MYH15: variants seen among roughly 807,000 people sequenced by gnomAD.
The protein encoded by MYH15 is myosin-15.
Under a neutral mutation model 240.5 loss-of-function variants are expected in MYH15, and 227 were observed. The observed-to-expected ratio is 0.94, with a 90% CI of 0.85 to 1.05. MYH15 has a LOEUF of 1.05. MYH15 is among the 50% of genes least tolerant of loss of function. MYH15 has a pLI of 0.00. For missense variants in MYH15, 2,217 were observed against 2,247.5 expected, an observed-to-expected ratio of 0.99 and a Z score of 0.27; for synonymous variants, 785 against 796.7, an observed-to-expected ratio of 0.99 and a Z score of 0.25.
At chr3:108,494,500 C>G (rs1315592499) in intron 7 of MYH15, among the ~76,000 whole-genome samples, 1 of 151,088 alleles carries the variant, frequency 6.6e-6, no homozygotes, top group Non-Finnish European at 1.5e-5. Flanking sequence ...CTTTCAATTG[C>G]TTTCTTTTCT....
chr3:108,414,321 G>T lies in MYH15; in HGVS notation c.4056C>A (p.Thr1352=). The change falls in exon 30 of 41, where the codon ACC becomes ACA. Residue 1352 remains threonine (T), a synonymous_variant. Coordinates refer to ENST00000693548, the MANE Select transcript of MYH15 (RefSeq NM_014981.3). ...CCATTTCAGCATTGACTTTGGATAA[G>T]GTCCGGTGCAGCTCAGCCTTGACCT... is the stretch of plus-strand genomic sequence containing the variant. The part of the protein sequence containing the change: ...EQEVKAELHR[T]LSKVNAEMVQ... 1 of 1,614,098 alleles carries T rather than the reference G, an allele frequency of 6.2e-7. No homozygotes were observed. Among genetic ancestry groups the T allele is most frequent in the Non-Finnish European group, 8.5e-7 (1 of 1,179,998 alleles).
At chr3:108,426,624 G>A (rs1374656177) in intron 27 of MYH15, among the ~76,000 whole-genome samples, 3 of 152,230 alleles carry the variant, frequency 2.0e-5, no homozygotes, top group African/African-American at 7.2e-5. Flanking sequence ...GGATATTTTG[G>A]AGAGCCTTGG....
At chr3:108,445,284 G>A (rs1576238177) in intron 21 of MYH15, among the ~76,000 whole-genome samples, 2 of 152,096 alleles carry the variant, frequency 1.3e-5, no homozygotes, top group Admixed American at 6.6e-5. Context: ...TATTCACATG[G>A]ATAAAAAGGC....
intron 1 of MYH15, among the ~76,000 whole-genome samples, chr3:108,517,473 C>T (rs7653786): frequency 0.032 from 4,916 of 152,252 alleles, 250 homozygotes; most frequent in African/African-American, 0.11. Context: ...CCTGGGATTA[C>T]AGGTGCCCAA....
chr3:108,481,046 A>G (rs2083262536), intron 11 of MYH15, among the ~76,000 whole-genome samples: 1 of 152,256 alleles, frequency 6.6e-6, no homozygotes, highest in Non-Finnish European at 1.5e-5. Flanking sequence ...GCATACTGAA[A>G]AAAACTCAGT....
intron 11 of MYH15, among the ~76,000 whole-genome samples, chr3:108,478,680 TA>T (rs34144812): frequency 0.24 from 35,031 of 146,358 alleles, 4,576 homozygotes; most frequent in Non-Finnish European, 0.31. Context: ...TGTCCAGGTT[TA>T]AAAAAAAAAA....
At chr3:108,502,941 TC>T (rs1375796099) in intron 2 of MYH15, among the ~76,000 whole-genome samples, 1 of 152,132 alleles carries the variant, frequency 6.6e-6, no homozygotes, top group Non-Finnish European at 1.5e-5. Flanking sequence ...CCTCCCCTTT[TC>T]CCTAATTCTA....
the MYH15 span, among the ~76,000 whole-genome samples, chr3:108,542,778 A>G: frequency 1.3e-5 from 2 of 151,976 alleles, no homozygotes; most frequent in Admixed American, 6.6e-5. Flanking sequence ...GCTCCCACTT[A>G]TAACTGAGAA....
intron 1 of MYH15, among the ~76,000 whole-genome samples, chr3:108,523,585 T>A: frequency 6.6e-6 from 1 of 151,856 alleles, no homozygotes; most frequent in East Asian, 1.9e-4. Context: ...AAGCTTGGGG[T>A]TTTTTTGCTT....
rs1287184192 is a variant in MYH15, at chr3:108,399,317, T to C, written c.4737-50A>G. On this transcript the variant is annotated intron_variant, in intron 33 of 40. Coordinates refer to ENST00000693548, the MANE Select transcript of MYH15 (RefSeq NM_014981.3). ...GGGGGAAATGACACATCCAAATTAA[T>C]CAAATTCACCTGCTATGTTTAAAAC... 3.5e-5 allele frequency: 51 copies of C among 1,445,698 alleles called. No individual in the cohort carries two copies. The Admixed American group carries it at 9.2e-4, about 26-fold the overall frequency. The allele number at this position is 1,445,698 out of a possible 1,614,324, so 89.6% of individuals were successfully genotyped here.
chr3:108,446,433 C>A (rs1334287563), intron 21 of MYH15, among the ~76,000 whole-genome samples: 1 of 152,186 alleles, frequency 6.6e-6, no homozygotes, highest in African/African-American at 2.4e-5. Flanking sequence ...GAATCTCTGA[C>A]CAAGCTTACT....
At chr3:108,398,126 A>G (rs1233281042) in intron 35 of MYH15, among the ~76,000 whole-genome samples, 1 of 152,220 alleles carries the variant, frequency 6.6e-6, no homozygotes, top group East Asian at 1.9e-4. Flanking sequence ...AAATGAGGCC[A>G]TTAGGGTGGA....
At chr3:108,484,619 T>C (rs1192734821) in intron 11 of MYH15, among the ~76,000 whole-genome samples, 2 of 152,068 alleles carry the variant, frequency 1.3e-5, no homozygotes, top group East Asian at 1.9e-4. Context: ...GCTGGGATTA[T>C]AGGCGTGCGC....
intron 1 of MYH15, among the ~76,000 whole-genome samples, chr3:108,519,105 C>T (rs1331961284): frequency 6.6e-6 from 1 of 152,160 alleles, no homozygotes; most frequent in African/African-American, 2.4e-5. Flanking sequence ...AGCAAGGAGG[C>T]TGATGTTCTT....
intron 17 of MYH15, 38 bp from the exon 18 acceptor site, chr3:108,459,487 C>T: frequency 7.4e-7 from 1 of 1,344,280 alleles, no homozygotes; most frequent in Non-Finnish European, 1.0e-6. Flanking sequence ...AATCACTTTG[C>T]AAATCACTAA....
Position 108,395,288 on chromosome 3 carries a change from T to C in MYH15, c.5134-1132A>G, listed in dbSNP as rs1325386043. Among the ~76,000 whole-genome samples, 5 of 152,224 alleles carry C rather than the reference T, an allele frequency of 3.3e-5. No homozygotes were observed. In the South Asian group the frequency reaches 1.0e-3, roughly 32 times the overall value. On this transcript the variant is annotated intron_variant, in intron 35 of 40. Coordinates refer to ENST00000693548, the MANE Select transcript of MYH15 (RefSeq NM_014981.3). ...CGTCTCAAAAAAGAAAAATAAAAAA[T>C]AGAATGATATTCCAGCATCACTGGT...
intron 21 of MYH15, among the ~76,000 whole-genome samples, chr3:108,446,289 G>A (rs755047177): frequency 1.4e-4 from 21 of 152,134 alleles, no homozygotes; most frequent in Non-Finnish European, 1.9e-4. Context: ...AAGATCTAGT[G>A]TATACAGCCT....
chr3:108,399,254 A>G lies in MYH15; in HGVS notation c.4750T>C (p.Cys1584Arg), dbSNP rs1307270266. The G allele has an allele frequency of 6.2e-7, 1 of 1,610,446 alleles. No individual in the cohort carries two copies. Among genetic ancestry groups the G allele is most frequent in the Non-Finnish European group, 8.5e-7 (1 of 1,178,110 alleles). ...EIENFRRKQQ[C>R]TIDSLQSSLD... ...CTAGACTGCAGGGAGTCAATGGTAC[A>G]CTGCTGCTTCCTCCTAATTTGAAAT... Residue 1584 changes from cysteine (C) to arginine (R), a missense_variant, in exon 34 of 41, where the codon TGT (cysteine) becomes CGT (arginine). By Grantham distance (180) the Cys-to-Arg change is radical (BLOSUM62 -3). Transcript: ENST00000693548.
intron 3 of MYH15, 104 bp downstream of exon 3, chr3:108,501,608 T>C (rs2083438559): frequency 2.1e-6 from 3 of 1,433,604 alleles, no homozygotes; most frequent in Non-Finnish European, 9.7e-7. Context: ...GGACTATCCC[T>C]GTGCGAGCAT....
Sources: gnomAD v4.1 joint callset for allele counts (sites outside exome capture counted in the v4.1 genomes callset) on GRCh38, gnomAD v4.1.1 for gene constraint, MANE v1.5 for transcripts, NCBI Gene and HGNC (gene_info 2026-07-23, HGNC 2026-07-21) for gene names.